Variants in ZSWIM9 observed in about 807,000 individuals in gnomAD.
ZSWIM9 encodes uncharacterized protein ZSWIM9.
Under a neutral mutation model 25.0 loss-of-function variants are expected in ZSWIM9, and 11 were observed. The ratio of observed to expected loss-of-function variants is 0.44; its 90% CI spans 0.28 to 0.73. The LOEUF is 0.73. Among genes scored for constraint, ZSWIM9 ranks in the 30% least tolerant of loss-of-function variants. ZSWIM9 has a pLI of 0.16. For missense variants in ZSWIM9, 1,070 were observed against 1,296.5 expected (o/e 0.83, Z 2.68); for synonymous variants, 562 against 582.1 (o/e 0.97, Z 0.50).
chr19:48,173,105 G>A (rs747114991), intron 2 of ZSWIM9, among the ~76,000 whole-genome samples: 1 of 152,170 alleles, frequency 6.6e-6, no homozygotes, highest in African/African-American at 2.4e-5. Context: ...TAGTTGGAGC[G>A]ATGGAGTTGG....
At position 48,197,283 on chromosome 19, in the gene ZSWIM9, A is replaced by T; in HGVS notation, c.*456A>T. On this transcript the variant is annotated 3_prime_UTR_variant, in exon 4 of 4. Transcript: ENST00000614654. ...GAAGGAGAGGAGGTAAGCGAGAAAA[A>T]ATGGAAAGGGGAGCCGGAAATGGAG... 1 of 702,690 alleles carries T rather than the reference A, an allele frequency of 1.4e-6. No homozygotes were observed. 43.5% of individuals were successfully genotyped at this position (702,690 alleles called of 1,614,324 possible).
At chr19:48,185,169 C>T (rs1373083540) in intron 3 of ZSWIM9, among the ~76,000 whole-genome samples, 1 of 136,384 alleles carries the variant, frequency 7.3e-6, no homozygotes, top group Non-Finnish European at 1.5e-5. Context: ...GACGGAGTTT[C>T]GCTCTTGTCA....
intron 2 of ZSWIM9, among the ~76,000 whole-genome samples, chr19:48,173,839 G>C (rs1435853776): frequency 1.3e-5 from 2 of 152,088 alleles, no homozygotes; most frequent in African/African-American, 4.8e-5. Context: ...TGTTGGCCAG[G>C]CTGGTCTTGA....
In ZSWIM9 at chr19:48,197,195, A is replaced by G; in HGVS notation, c.*368A>G. ...CATATGGGGAGTGTCTGGCAAGAGT[A>G]GACTGGCCAGTCTAGGGAGTGCAGC... On this transcript the variant is annotated 3_prime_UTR_variant, in exon 4 of 4. Coordinates refer to ENST00000614654, the MANE Select transcript of ZSWIM9 (RefSeq NM_199341.4). 1.4e-6 allele frequency: 1 copy of G among 701,278 alleles called. No homozygotes were observed. The highest frequency in any genetic ancestry group is 2.7e-5 in the East Asian group (1 of 37,196). The allele number at this position is 701,278 out of a possible 1,614,324, so 43.4% of individuals were successfully genotyped here.
intron 2 of ZSWIM9, among the ~76,000 whole-genome samples, chr19:48,178,583 T>TC (rs2036916318): frequency 1.3e-5 from 2 of 150,240 alleles, no homozygotes; most frequent in South Asian, 4.2e-4. Context: ...TACTTTTTTT[T>TC]TTCTTCTTCT....
intron 2 of ZSWIM9, chr19:48,180,922 A>G (rs1041239622): frequency 1.3e-5 from 2 of 149,652 alleles, no homozygotes; most frequent in African/African-American, 4.9e-5. Context: ...TTAGCCTATT[A>G]TTAGCCAGCA....
intron 2 of ZSWIM9, among the ~76,000 whole-genome samples, chr19:48,178,301 G>A (rs1358629174): frequency 6.6e-6 from 1 of 152,178 alleles, no homozygotes; most frequent in African/African-American, 2.4e-5. Flanking sequence ...AGGAAAAAAG[G>A]GGTGTGTCAA....
rs916922474 is a variant in ZSWIM9 at position 48,182,716 on chromosome 19, G to A, written c.537G>A (p.Leu179=). 1.0e-4 allele frequency: 153 copies of A among 1,535,098 alleles called. No homozygotes were observed. The highest frequency in any genetic ancestry group is 1.3e-4 in the Non-Finnish European group (150 of 1,146,304). Residue 179 remains leucine, a synonymous_variant, in exon 3 of 4, where the codon CTG becomes CTA. Coordinates refer to ENST00000614654, the MANE Select transcript of ZSWIM9 (RefSeq NM_199341.4). This position sits in a 1 kb window ranked among gnomAD's most constrained non-coding sequence, Gnocchi z 4.6. ...SYCKGRDHGV[L]DALHVLEGLF... ...GCAAGGGCCGCGACCACGGCGTCCTGGACGCCCTGCACGTGCTCGAGGGCC... is the reference window on the plus strand; with the variant it reads ...GCAAGGGCCGCGACCACGGCGTCCTAGACGCCCTGCACGTGCTCGAGGGCC...
intron 3 of ZSWIM9, chr19:48,183,080 G>A (rs898481665): frequency 3.3e-6 from 1 of 303,044 alleles, no homozygotes. Flanking sequence ...AATGTGTCCA[G>A]TACACTGAGG....
intron 3 of ZSWIM9, among the ~76,000 whole-genome samples, chr19:48,193,840 A>G (rs2037126691): frequency 6.6e-6 from 1 of 152,134 alleles, no homozygotes; most frequent in Non-Finnish European, 1.5e-5. Context: ...TATTATCATC[A>G]CTTTACAAAT....
chr19:48,171,822 C>CT lies in ZSWIM9; in HGVS notation c.20_21insT (p.Pro8ThrfsTer450). The CT allele has an allele frequency of 6.5e-7, 1 of 1,533,260 alleles. No individual in the cohort carries two copies. Among genetic ancestry groups the CT allele is most frequent in the Admixed American group, 2.0e-5 (1 of 50,880 alleles). The allele number at this position is 1,533,260 out of a possible 1,614,324, so 95.0% of individuals were successfully genotyped here. A position where few individuals can be genotyped will look rare whatever the true frequency, so the allele number is the denominator to read the frequency against. ...CCCAGGATGGAGCGGCCGGAGCCCC[C>CT]ACCCGGCACGGCTGCGGGGCAGGAG... On this transcript the variant is annotated frameshift_variant, in exon 2 of 4. Transcript: ENST00000614654. LOFTEE classifies it high-confidence loss of function.
Position 48,195,267 on chromosome 19 carries a change from C to T in ZSWIM9, c.1203C>T (p.Asp401=). Residue 401 remains aspartate (D), a synonymous_variant, in exon 4 of 4, where the codon GAC becomes GAT. Transcript: ENST00000614654. This position sits in a 1 kb window ranked among gnomAD's most constrained non-coding sequence, Gnocchi z 5.8. ...CCTTCGAGGCGGCCAGAGACCTGGA[C>T]GCGTGTGCCCTGGTGCGAGGCCACC... The part of the protein sequence containing the change: ...FRAFEAARDL[D]ACALVRGHRR... 3 of 1,529,852 alleles carry T rather than the reference C, an allele frequency of 2.0e-6. No individual in the cohort carries two copies. Among genetic ancestry groups the T allele is most frequent in the South Asian group, 2.4e-5 (2 of 83,920 alleles). 94.8% of individuals were successfully genotyped at this position (1,529,852 alleles called of 1,614,324 possible).
chr19:48,195,941 C>T lies in ZSWIM9; in HGVS notation c.1877C>T (p.Pro626Leu), dbSNP rs972966884. The T allele has an allele frequency of 2.4e-5, 32 of 1,328,616 alleles. No individual in the cohort carries two copies. The African/African-American group carries it at 4.8e-4, about 20-fold the overall frequency. 82.3% of individuals were successfully genotyped at this position (1,328,616 alleles called of 1,614,324 possible). ...YERVRSLEGS[P>L]WRGAQLHDER... ...AGGGTCAGGAGTCTTGAAGGAAGCC[C>T]CTGGAGGGGGGCGCAGCTGCACGAT... Residue 626 changes from proline (P) to leucine (L), a missense_variant, in exon 4 of 4, where the codon CCC (proline) becomes CTC (leucine). This residue lies in a region of ZSWIM9 where 583 missense variants were observed against 624.7 expected (regional missense o/e 0.93). Transcript: ENST00000614654. This position sits in a 1 kb window ranked among gnomAD's most constrained non-coding sequence, Gnocchi z 5.8.
intron 1 of ZSWIM9, 61 bp from the exon 2 acceptor site, chr19:48,171,733 G>A: frequency 6.9e-7 from 1 of 1,448,840 alleles, no homozygotes; most frequent in Non-Finnish European, 9.1e-7. Context: ...GAATGGAGTA[G>A]ATGAGATACC....
chr19:48,193,633 G>C (rs7359968), intron 3 of ZSWIM9, among the ~76,000 whole-genome samples: 62,161 of 152,088 alleles, frequency 0.41, 13,226 homozygotes, highest in East Asian at 0.53. Flanking sequence ...CCAAAAGGAG[G>C]CAGAGAGAGA....
chr19:48,178,575 CT>C (rs35292893), intron 2 of ZSWIM9, among the ~76,000 whole-genome samples: 44 of 98,674 alleles, frequency 4.5e-4, no homozygotes, highest in African/African-American at 2.1e-3. Context: ...CTGCAGCCTA[CT>C]TTTTTTTTTC....
intron 3 of ZSWIM9, among the ~76,000 whole-genome samples, chr19:48,193,340 G>A (rs992991966): frequency 3.3e-5 from 5 of 152,258 alleles, no homozygotes; most frequent in African/African-American, 4.8e-5. Context: ...GCACACCCTC[G>A]CGTGAGTTCA....
rs970637042 is a variant in ZSWIM9, at chr19:48,196,290, G to C, written c.2226G>C (p.Lys742Asn). The change falls in exon 4 of 4, where the codon AAG (lysine) becomes AAC (asparagine). Residue 742 changes from lysine to asparagine, a missense_variant. Coordinates refer to ENST00000614654, the MANE Select transcript of ZSWIM9 (RefSeq NM_199341.4). ...DGGGARSVGP[K>N]SRAGRGMEWG... ...GGGGAGCCCGGTCCGTGGGCCCCAA[G>C]AGCCGAGCCGGACGAGGGATGGAGT... The C allele has an allele frequency of 8.1e-7, 1 of 1,233,694 alleles. No individual in the cohort carries two copies. Among genetic ancestry groups the C allele is most frequent in the African/African-American group, 1.6e-5 (1 of 64,406 alleles). The allele number at this position is 1,233,694 out of a possible 1,614,324, so 76.4% of individuals were successfully genotyped here. A position where few individuals can be genotyped will look rare whatever the true frequency, so the allele number is the denominator to read the frequency against.
Position 48,197,451 on chromosome 19 carries a change from T to C in ZSWIM9, c.*624T>C, listed in dbSNP as rs1274107586. The C allele has an allele frequency of 1.7e-6, 1 of 592,038 alleles. No homozygotes were observed. The highest frequency in any genetic ancestry group is 2.8e-5 in the Admixed American group (1 of 35,858). 36.7% of individuals were successfully genotyped at this position (592,038 alleles called of 1,614,324 possible). On this transcript the variant is annotated 3_prime_UTR_variant, in exon 4 of 4. Coordinates refer to ENST00000614654, the MANE Select transcript of ZSWIM9 (RefSeq NM_199341.4). ...GTGTGGGAGACGGGTAGAGACGAAATGCAAGGGGCGTGGTTTTGGTTTTTC... is the reference window on the plus strand; with the variant it reads ...GTGTGGGAGACGGGTAGAGACGAAACGCAAGGGGCGTGGTTTTGGTTTTTC...
Sources: gnomAD v4.1 joint callset for allele counts (sites outside exome capture counted in the v4.1 genomes callset) on GRCh38, gnomAD v4.1.1 for gene constraint, gnomAD v4.1.1 regional missense constraint, Gnocchi (gnomAD v3.1) non-coding constraint, MANE v1.5 for transcripts, NCBI Gene and HGNC (gene_info 2026-07-23, HGNC 2026-07-21) for gene names.